The following RRM2B variants were observed in gnomAD, a reference collection of about 807,000 sequenced individuals.
RRM2B encodes the protein ribonucleotide reductase regulatory TP53 inducible subunit M2B.
Under a neutral mutation model 45.9 loss-of-function variants are expected in RRM2B, and 20 were observed. That is an observed-to-expected ratio of 0.44 (90% CI 0.31 to 0.63). The LOEUF (loss-of-function observed/expected upper bound fraction) is 0.63, where lower values mean the gene tolerates loss of function less well. Ranked by LOEUF, RRM2B falls within the 30% of genes least tolerant of loss-of-function variation. RRM2B has a pLI of 0.09. For missense variants in RRM2B, 320 were observed against 414.7 expected, an observed-to-expected ratio of 0.77 and a Z score of 1.98; for synonymous variants, 124 against 132.3, an observed-to-expected ratio of 0.94 and a Z score of 0.43.
intron 7 of RRM2B, among the ~76,000 whole-genome samples, chr8:102,213,329 G>A (rs1366769771): frequency 6.6e-6 from 1 of 152,016 alleles, no homozygotes; most frequent in East Asian, 1.9e-4. Context: ...AACAGATTTG[G>A]GGGTTGGGAG....
intron 6 of RRM2B, chr8:102,214,366 A>G: frequency 1.7e-6 from 1 of 579,344 alleles, no homozygotes; most frequent in Non-Finnish European, 3.1e-6. Context: ...TTTCAATGCC[A>G]GCAAATCTTA....
At chr8:102,209,389 C>G (rs1326463098) in intron 8 of RRM2B, among the ~76,000 whole-genome samples, 1 of 152,146 alleles carries the variant, frequency 6.6e-6, no homozygotes, top group Non-Finnish European at 1.5e-5. Flanking sequence ...AAAAGATGCT[C>G]AGCATCCTTA....
intron 1 of RRM2B, chr8:102,238,527 G>T: frequency 1.4e-6 from 2 of 1,459,902 alleles, no homozygotes; most frequent in Non-Finnish European, 1.8e-6. Context: ...GTGGGAGAGC[G>T]TGAGGCGGAT....
intron 5 of RRM2B, among the ~76,000 whole-genome samples, chr8:102,220,213 G>C (rs1259007004): frequency 6.6e-6 from 1 of 152,086 alleles, no homozygotes; most frequent in African/African-American, 2.4e-5. Context: ...CACTCCAGCT[G>C]GGCGACAGAG....
At chr8:102,228,492 G>A (rs1391635955) in intron 2 of RRM2B, among the ~76,000 whole-genome samples, 3 of 152,198 alleles carry the variant, frequency 2.0e-5, no homozygotes, top group Non-Finnish European at 2.9e-5. Context: ...GCCCTCACTG[G>A]TGGAGACCAA....
rs1343733347 is a variant in RRM2B, at chr8:102,207,251, C to A, written c.*882G>T. The A allele has an allele frequency of 6.6e-6, 1 of 152,162 alleles. No homozygotes were observed. Among genetic ancestry groups the A allele is most frequent in the Non-Finnish European group, 1.5e-5 (1 of 68,022 alleles). 9.4% of individuals were successfully genotyped at this position (152,162 alleles called of 1,614,324 possible). ...TCCCAAACTCATCTGACCACAGAATCCCCTTTTTCCCCCAAAAAAATATCT... is the reference window on the plus strand; with the variant it reads ...TCCCAAACTCATCTGACCACAGAATACCCTTTTTCCCCCAAAAAAATATCT... On this transcript the variant is annotated 3_prime_UTR_variant, in exon 9 of 9. Transcript: ENST00000251810.
At chr8:102,208,339 CA>C (rs1462360256) in intron 8 of RRM2B, 54 bp from the exon 9 acceptor site, 2 of 1,301,768 alleles carry the variant, frequency 1.5e-6, no homozygotes, top group Non-Finnish European at 2.2e-6. Context: ...ATTACATCCA[CA>C]ATAAGAGCAA....
chr8:102,232,285 T>C lies in RRM2B; in HGVS notation c.68A>G (p.Asn23Ser). ...DQDERSSSDT[N>S]ESEIKSNEEP... is the part of the protein sequence containing the mutation. ...TTCATTTGACTTTATTTCACTTTCG[T>C]TGGTGTCTGAAGATGATCTCTTTGA... The change falls in exon 2 of 9, where the codon AAC becomes AGC. Residue 23 changes from asparagine to serine, a missense_variant. Physicochemically the swap from Asn to Ser is conservative, Grantham distance 46 (BLOSUM62 1). Transcript: ENST00000251810. 8 of 1,614,166 alleles carry C rather than the reference T, an allele frequency of 5.0e-6. No individual in the cohort carries two copies. Among genetic ancestry groups the C allele is most frequent in the Non-Finnish European group, 5.9e-6 (7 of 1,179,978 alleles).
intron 2 of RRM2B, among the ~76,000 whole-genome samples, chr8:102,228,785 C>T (rs28999705): frequency 0.023 from 3,458 of 152,354 alleles, 52 homozygotes; most frequent in Middle Eastern, 0.041. Flanking sequence ...CCTGCCAGCG[C>T]CAAAGCAGCC....
In RRM2B at chr8:102,238,815, A is replaced by G; in HGVS notation, c.48+12T>C. ...ACTGCGGTGAGGGGGAAGACGCAAC[A>G]GCAACATTTACCTCATCCTGATCCA... is the stretch of plus-strand genomic sequence containing the variant. On this transcript the variant is annotated intron_variant, in intron 1 of 8. Coordinates refer to ENST00000251810, the MANE Select transcript of RRM2B (RefSeq NM_015713.5). The G allele has an allele frequency of 6.2e-7, 1 of 1,613,824 alleles. No homozygotes were observed. The highest frequency in any genetic ancestry group is 8.5e-7 in the Non-Finnish European group (1 of 1,179,918).
chr8:102,208,052 C>A lies in RRM2B; in HGVS notation c.*81G>T. On this transcript the variant is annotated 3_prime_UTR_variant, in exon 9 of 9. Coordinates refer to ENST00000251810, the MANE Select transcript of RRM2B (RefSeq NM_015713.5). ...AACCCCCAGTCCTTTAAAGGATATACTTAAAATTTTTTTTAAGCAGAGGAA... is the reference window on the plus strand; with the variant it reads ...AACCCCCAGTCCTTTAAAGGATATAATTAAAATTTTTTTTAAGCAGAGGAA... The A allele has an allele frequency of 8.1e-7, 1 of 1,233,554 alleles. No individual in the cohort carries two copies. The allele number at this position is 1,233,554 out of a possible 1,614,324, so 76.4% of individuals were successfully genotyped here. A position where few individuals can be genotyped will look rare whatever the true frequency, so the allele number is the denominator to read the frequency against.
chr8:102,228,768 G>C (rs1810977512), intron 2 of RRM2B, among the ~76,000 whole-genome samples: 1 of 152,232 alleles, frequency 6.6e-6, no homozygotes, highest in Non-Finnish European at 1.5e-5. Context: ...AGTGAGTGGA[G>C]TTTGCCCCTG....
chr8:102,210,175 T>C (rs1810611410), intron 8 of RRM2B, among the ~76,000 whole-genome samples: 1 of 152,242 alleles, frequency 6.6e-6, no homozygotes, highest in South Asian at 2.1e-4. Context: ...TGACTTAATC[T>C]TTAAATAAAG....
chr8:102,213,802 A>C (rs371534679), intron 7 of RRM2B, among the ~76,000 whole-genome samples: 5 of 152,332 alleles, frequency 3.3e-5, no homozygotes, highest in African/African-American at 1.2e-4. Context: ...GAGATCAATA[A>C]GACAGAAAAA....
At chr8:102,218,449 A>G (rs28928595) in intron 6 of RRM2B, among the ~76,000 whole-genome samples, 5,360 of 152,222 alleles carry the variant, frequency 0.035, 164 homozygotes, top group Admixed American at 0.085. Flanking sequence ...TGGGTACAGT[A>G]ATTCATGCCT....
chr8:102,212,850 T>C lies in RRM2B; in HGVS notation c.829A>G (p.Met277Val). The part of the protein sequence containing the change: ...TEALPVGLIG[M>V]NCILMKQYIE... ...TACTGTTTCATCAAAATGCAATTCA[T>C]TCCAATGAGGCCAACTGGCAAGGCT... Residue 277 changes from methionine to valine, a missense_variant, in exon 8 of 9, where the codon ATG (methionine) becomes GTG (valine). Physicochemically the swap from Met to Val is conservative, Grantham distance 21. Transcript: ENST00000251810. 1 of 1,611,170 alleles carries C rather than the reference T, an allele frequency of 6.2e-7. No individual in the cohort carries two copies. Among genetic ancestry groups the C allele is most frequent in the Non-Finnish European group, 8.5e-7 (1 of 1,177,582 alleles).
chr8:102,221,928 T>C (rs907111812), intron 5 of RRM2B, among the ~76,000 whole-genome samples: 6 of 152,196 alleles, frequency 3.9e-5, no homozygotes, highest in African/African-American at 1.4e-4. Flanking sequence ...AAGCTCCTTG[T>C]GAGGGAATCA....
intron 2 of RRM2B, among the ~76,000 whole-genome samples, chr8:102,230,361 T>C (rs1811006802): frequency 6.6e-6 from 1 of 152,244 alleles, no homozygotes; most frequent in African/African-American, 2.4e-5. Flanking sequence ...AAATTAGTGT[T>C]GCTTTGTTAC....
chr8:102,220,210 G>C (rs1324871451), intron 5 of RRM2B, among the ~76,000 whole-genome samples: 1 of 152,150 alleles, frequency 6.6e-6, no homozygotes, highest in Non-Finnish European at 1.5e-5. Flanking sequence ...CTGCACTCCA[G>C]CTGGGCGACA....
Sources: allele counts gnomAD v4.1 joint callset (sites outside exome capture counted in the v4.1 genomes callset), GRCh38; gene constraint gnomAD v4.1.1; transcripts MANE v1.5; gene names NCBI Gene and HGNC (gene_info 2026-07-23, HGNC 2026-07-21).